GDPD5: variants seen among roughly 807,000 people sequenced by gnomAD.
GDPD5 encodes glycerophosphodiester phosphodiesterase 2.
In GDPD5, 48 loss-of-function variants were observed where a neutral mutation model predicts 75.1. The ratio of observed to expected loss-of-function variants is 0.64; its 90% CI spans 0.51 to 0.81. GDPD5 has a LOEUF of 0.81. Ranked by LOEUF, GDPD5 falls within the 40% of genes least tolerant of loss-of-function variation. The pLI is 0.00. For missense variants in GDPD5, 706 were observed against 822.6 expected, an observed-to-expected ratio of 0.86 and a Z score of 1.73; for synonymous variants, 336 against 339.0, an observed-to-expected ratio of 0.99 and a Z score of 0.10.
intron 2 of GDPD5, among the ~76,000 whole-genome samples, chr11:75,485,955 C>T (rs972999532): frequency 6.6e-6 from 1 of 152,178 alleles, no homozygotes; most frequent in Non-Finnish European, 1.5e-5. Flanking sequence ...TCTCCTTGGC[C>T]GTGGCTGCCC....
Position 75,477,632 on chromosome 11 carries a change from T to C in GDPD5, c.104A>G (p.Asp35Gly). 1 of 1,590,730 alleles carries C rather than the reference T, an allele frequency of 6.3e-7. No individual in the cohort carries two copies. The highest frequency in any genetic ancestry group is 8.6e-7 in the Non-Finnish European group (1 of 1,163,338). The change falls in exon 3 of 17, where the codon GAT becomes GGT. Residue 35 changes from aspartate (D) to glycine (G), a missense_variant. Transcript: ENST00000336898. ...CRWKRYQRSH[D>G]DTTPWERLWF... ...AGGGTGGCTCACCGGTGTGGTATCA[T>C]CATGGGAGCGCTGGTAGCGCTTCCA... is the stretch of plus-strand genomic sequence containing the variant.
chr11:75,524,210 A>C (rs1941576321), intron 1 of GDPD5, among the ~76,000 whole-genome samples: 1 of 152,248 alleles, frequency 6.6e-6, no homozygotes, highest in Admixed American at 6.5e-5. Flanking sequence ...TGCCCAGAAG[A>C]AAATGAGGTT....
Position 75,525,772 on chromosome 11 carries a change from T to G in GDPD5, c.-707A>C, listed in dbSNP as rs1941644412. Reference sequence around the variant, plus strand: ...TTCCAGGTCCCGACTCGGCTCTCTCTGCAAAACGGGGCGAACCTCGGCGCG... The same window carrying G: ...TTCCAGGTCCCGACTCGGCTCTCTCGGCAAAACGGGGCGAACCTCGGCGCG... On this transcript the variant is annotated 5_prime_UTR_variant, in exon 1 of 17. Coordinates refer to ENST00000336898, the MANE Select transcript of GDPD5 (RefSeq NM_030792.8). The G allele has an allele frequency of 6.6e-6, 1 of 151,008 alleles. No individual in the cohort carries two copies. Among genetic ancestry groups the G allele is most frequent in the African/African-American group, 2.4e-5 (1 of 41,232 alleles). The allele number at this position is 151,008 out of a possible 1,614,324, so 9.4% of individuals were successfully genotyped here.
chr11:75,441,306 A>G lies in GDPD5; in HGVS notation c.1330T>C (p.Tyr444His), dbSNP rs1948793307. The G allele has an allele frequency of 1.2e-6, 2 of 1,614,046 alleles. No individual in the cohort carries two copies. Among genetic ancestry groups the G allele is most frequent in the Non-Finnish European group, 1.7e-6 (2 of 1,180,038 alleles). ...TTCACACTCAGGTTCCAGGACGCGTAGTCCCTGTGGGGCAGGGGAGAGGCA... is the reference window on the plus strand; with the variant it reads ...TTCACACTCAGGTTCCAGGACGCGTGGTCCCTGTGGGGCAGGGGAGAGGCA... ...TQVSRQELRD[Y>H]ASWNLSVNLY... The change falls in exon 14 of 17, where the codon TAC becomes CAC. Residue 444 changes from tyrosine to histidine, a missense_variant. Transcript: ENST00000336898.
intron 4 of GDPD5, among the ~76,000 whole-genome samples, chr11:75,461,392 C>T (rs752425488): frequency 6.6e-6 from 1 of 152,170 alleles, no homozygotes; most frequent in African/African-American, 2.4e-5. Flanking sequence ...GCTTGGCTGC[C>T]GCAGGGCAGG....
intron 2 of GDPD5, among the ~76,000 whole-genome samples, chr11:75,485,963 C>T (rs997989662): frequency 3.3e-5 from 5 of 152,192 alleles, no homozygotes; most frequent in Non-Finnish European, 5.9e-5. Context: ...GCCGTGGCTG[C>T]CCTCGCGGGG....
intron 1 of GDPD5, among the ~76,000 whole-genome samples, chr11:75,493,128 AT>A (rs1213927775): frequency 1.3e-5 from 2 of 152,104 alleles, no homozygotes; most frequent in East Asian, 3.8e-4. Context: ...TGTAAGATCT[AT>A]CATTTGTCTA....
intron 3 of GDPD5, among the ~76,000 whole-genome samples, chr11:75,471,621 A>C (rs1592105767): frequency 6.6e-6 from 1 of 152,132 alleles, no homozygotes; most frequent in Non-Finnish European, 1.5e-5. Flanking sequence ...TAGGACCCTG[A>C]CCACGTCACA....
At chr11:75,510,276 T>C (rs1950487463) in intron 1 of GDPD5, among the ~76,000 whole-genome samples, 2 of 152,080 alleles carry the variant, frequency 1.3e-5, no homozygotes, top group African/African-American at 4.8e-5. Flanking sequence ...TCCTGAGAGC[T>C]CTTCAGAGTA....
At position 75,435,576 on chromosome 11, in the gene GDPD5, G is replaced by A. The variant is rs144731330; in HGVS notation, c.1749C>T (p.Thr583=). ...DNSYDTYANS[T]ATPVGPRGGG... is the part of the protein sequence containing the mutation. ...CCCCTCGGGGGCCCACAGGGGTGGC[G>A]GTGCTGTTGGCATATGTGTCATAAC... is the stretch of plus-strand genomic sequence containing the variant. Residue 583 remains threonine, a synonymous_variant, in exon 17 of 17, where the codon ACC becomes ACT. Transcript: ENST00000336898. 60 of 1,613,272 alleles carry A rather than the reference G, an allele frequency of 3.7e-5. No homozygotes were observed. Among genetic ancestry groups the A allele is most frequent in the Non-Finnish European group, 4.6e-5 (54 of 1,179,704 alleles).
chr11:75,441,405 C>T, intron 13 of GDPD5, 95 bp from the exon 14 acceptor site: 3 of 1,475,690 alleles, frequency 2.0e-6, no homozygotes, highest in Admixed American at 1.8e-5. Flanking sequence ...CACGACCTCA[C>T]AGCCATGCCC....
At chr11:75,506,066 A>G (rs1009113516) in intron 1 of GDPD5, among the ~76,000 whole-genome samples, 1 of 152,200 alleles carries the variant, frequency 6.6e-6, no homozygotes, top group Non-Finnish European at 1.5e-5. Flanking sequence ...TCATGGGGAT[A>G]AGGACCCTTC....
At position 75,468,803 on chromosome 11, in the gene GDPD5, G is replaced by A. The variant is rs182043593; in HGVS notation, c.118-5914C>T. Among the ~76,000 whole-genome samples, 488 of 152,268 alleles carry A rather than the reference G, an allele frequency of 3.2e-3. 2 individuals carry two copies. The highest frequency in any genetic ancestry group is 2.9e-3 in the Non-Finnish European group (194 of 68,038). On this transcript the variant is annotated intron_variant, in intron 3 of 16. Coordinates refer to ENST00000336898, the MANE Select transcript of GDPD5 (RefSeq NM_030792.8). ...GAAATATTGGGGTCAAATGACCACA[G>A]AGTGGAGAATACACAAAAGAGCTGG... is the stretch of plus-strand genomic sequence containing the variant.
At chr11:75,469,087 C>T (rs1439028619) in intron 3 of GDPD5, among the ~76,000 whole-genome samples, 1 of 152,266 alleles carries the variant, frequency 6.6e-6, no homozygotes, top group Non-Finnish European at 1.5e-5. Flanking sequence ...CTCTACACCA[C>T]ATCTCTCCAG....
At chr11:75,468,707 T>C (rs994818551) in intron 3 of GDPD5, among the ~76,000 whole-genome samples, 4 of 143,326 alleles carry the variant, frequency 2.8e-5, no homozygotes. Context: ...GGAGCTGAAA[T>C]CTGCCTCCTC....
At chr11:75,512,784 G>A (rs1277565557) in intron 1 of GDPD5, among the ~76,000 whole-genome samples, 3 of 151,674 alleles carry the variant, frequency 2.0e-5, no homozygotes, top group Admixed American at 6.6e-5. Flanking sequence ...GCGTGGTGGC[G>A]GGCACCTGTA....
intron 14 of GDPD5, 81 bp from the exon 15 acceptor site, chr11:75,440,042 A>C: frequency 9.5e-7 from 1 of 1,056,486 alleles, no homozygotes; most frequent in Non-Finnish European, 1.4e-6. Context: ...CGTGGACCAA[A>C]GGACCCCACA....
In GDPD5 at chr11:75,456,711, C is replaced by T. The variant is rs1483305450; in HGVS notation, c.375+46G>A. 2.5e-6 allele frequency: 4 copies of T among 1,599,138 alleles called. No homozygotes were observed. In the Admixed American group the frequency reaches 6.7e-5, roughly 27 times the overall value. On this transcript the variant is annotated intron_variant, in intron 6 of 16. Transcript: ENST00000336898. ...GGCCCTTCCTCTGCTGCTGCTGCCT[C>T]CAGCTTCCCTTGCTCTCTCCCAGCC...
intron 2 of GDPD5, among the ~76,000 whole-genome samples, chr11:75,488,522 T>C (rs995981576): frequency 1.3e-5 from 2 of 152,020 alleles, no homozygotes; most frequent in African/African-American, 2.4e-5. Flanking sequence ...CAATCTTGTC[T>C]CTGTCCTCTC....
Sources: gnomAD v4.1 joint callset for allele counts (sites outside exome capture counted in the v4.1 genomes callset) on GRCh38, gnomAD v4.1.1 for gene constraint, MANE v1.5 for transcripts, NCBI Gene and HGNC (gene_info 2026-07-23, HGNC 2026-07-21) for gene names.